MTMR14: variants seen among roughly 807,000 people sequenced by gnomAD.
MTMR14 encodes the protein phosphatidylinositol-3,5-bisphosphate 3-phosphatase MTMR14.
In MTMR14, 48 loss-of-function variants were observed where a neutral mutation model predicts 86.3. That is an observed-to-expected ratio of 0.56 (90% CI 0.44 to 0.71). The LOEUF (loss-of-function observed/expected upper bound fraction) is 0.71. Among genes scored for constraint, MTMR14 ranks in the 30% least tolerant of loss-of-function variants. The pLI, the probability that MTMR14 is intolerant of heterozygous loss-of-function variation, is 0.00. For missense variants in MTMR14, 780 were observed against 834.6 expected, an observed-to-expected ratio of 0.93 and a Z score of 0.81; for synonymous variants, 366 against 326.1, an observed-to-expected ratio of 1.12 and a Z score of -1.32.
chr3:9,683,267 C>A (rs2075829295), intron 10 of MTMR14, 23 bp downstream of exon 10: 3 of 1,609,744 alleles, frequency 1.9e-6, no homozygotes, highest in Non-Finnish European at 1.7e-6. Flanking sequence ...CCTCCAGAGC[C>A]CTCGAGCCAC....
intron 17 of MTMR14, 88 bp downstream of exon 17, chr3:9,690,231 G>C (rs2076097120): frequency 1.4e-6 from 2 of 1,451,050 alleles, no homozygotes; most frequent in East Asian, 4.6e-5. Flanking sequence ...ACCTGAGCTA[G>C]GGTCTCAAGA....
At chr3:9,658,390 C>G (rs1250347734) in intron 2 of MTMR14, among the ~76,000 whole-genome samples, 1 of 152,212 alleles carries the variant, frequency 6.6e-6, no homozygotes, top group Non-Finnish European at 1.5e-5. Flanking sequence ...ATAGCTAAGA[C>G]ATGTTTGTCA....
Position 9,685,215 on chromosome 3 carries a change from A to G in MTMR14, c.1132A>G (p.Met378Val), listed in dbSNP as rs763943891. 25 of 1,613,876 alleles carry G rather than the reference A, an allele frequency of 1.5e-5. No individual in the cohort carries two copies. Among genetic ancestry groups the G allele is most frequent in the South Asian group, 5.5e-5 (5 of 91,080 alleles). ...VAYDWFLFGH[M>V]LVDRLSKGEE... Reference sequence around the variant, plus strand: ...TCTCTACCCTCCTTTTTTCAGGCACATGTTGGTAGATCGGCTCAGCAAAGG... The same window carrying G: ...TCTCTACCCTCCTTTTTTCAGGCACGTGTTGGTAGATCGGCTCAGCAAAGG... The change falls in exon 13 of 19, where the codon ATG (methionine) becomes GTG (valine). Residue 378 changes from methionine to valine, a missense_variant. Physicochemically the swap from Met to Val is conservative, Grantham distance 21. Coordinates refer to ENST00000296003, the MANE Select transcript of MTMR14 (RefSeq NM_001077525.3).
chr3:9,654,082 T>C (rs1178239692), intron 2 of MTMR14, among the ~76,000 whole-genome samples: 1 of 152,040 alleles, frequency 6.6e-6, no homozygotes, highest in African/African-American at 2.4e-5. Context: ...GAGTGGGAGG[T>C]ACACTGTGTA....
chr3:9,673,698 G>A (rs546413642), intron 7 of MTMR14, among the ~76,000 whole-genome samples: 56 of 152,214 alleles, frequency 3.7e-4, no homozygotes, highest in African/African-American at 1.1e-3. Context: ...GCTGGGGGCA[G>A]GAATCCCAGC....
rs1311979037 is a variant in MTMR14, at chr3:9,649,590, G to A, written c.7G>A (p.Gly3Ser). 3 of 1,545,094 alleles carry A rather than the reference G, an allele frequency of 1.9e-6. No homozygotes were observed. The highest frequency in any genetic ancestry group is 1.2e-5 in the South Asian group (1 of 83,846). ...GGGGACGCGGGGCTGGGCCATGGCC[G>A]GCGCTCGGGCCGCCGCCGCCGCTGC... MAGARAAAAAASA... is the reference protein window; with the variant it reads MASARAAAAAASA... The change falls in exon 1 of 19, where the codon GGC becomes AGC. Residue 3 changes from glycine to serine, a missense_variant. By Grantham distance (56) the Gly-to-Ser change is moderately conservative (BLOSUM62 0). Coordinates refer to ENST00000296003, the MANE Select transcript of MTMR14 (RefSeq NM_001077525.3).
intron 13 of MTMR14, 77 bp from the exon 14 acceptor site, chr3:9,687,744 A>G (rs1283192627): frequency 1.6e-6 from 2 of 1,240,680 alleles, no homozygotes; most frequent in African/African-American, 3.0e-5. Flanking sequence ...CCTTGACCTG[A>G]GTGGCTGGCC....
intron 9 of MTMR14, among the ~76,000 whole-genome samples, chr3:9,678,413 G>A (rs775397430): frequency 3.3e-5 from 5 of 152,170 alleles, no homozygotes; most frequent in African/African-American, 1.2e-4. Context: ...AGGAAGTACA[G>A]AGCTGCCTGA....
intron 3 of MTMR14, among the ~76,000 whole-genome samples, chr3:9,663,383 A>G (rs1411583501): frequency 6.6e-6 from 1 of 151,750 alleles, no homozygotes; most frequent in African/African-American, 2.4e-5. Context: ...TTTAGGGAAA[A>G]GTATGTATGG....
chr3:9,697,845 A>G lies in MTMR14; in HGVS notation c.1748A>G (p.Asp583Gly). The change falls in exon 18 of 19, where the codon GAT becomes GGT. Residue 583 changes from aspartate to glycine, a missense_variant. Coordinates refer to ENST00000296003, the MANE Select transcript of MTMR14 (RefSeq NM_001077525.3). ...TCCTCTCTCCCTTTCAGCTTCCCGG[A>G]TGAGCTCCCTAACAGTTGTCTGTAA... ...TDSSLPFSFP[D>G]ELPNSCLLAA... The G allele has an allele frequency of 6.2e-7, 1 of 1,614,124 alleles. No individual in the cohort carries two copies. The highest frequency in any genetic ancestry group is 2.2e-5 in the East Asian group (1 of 44,876).
At chr3:9,653,477 G>A in intron 1 of MTMR14, 144 bp from the exon 2 acceptor site, 1 of 983,478 alleles carries the variant, frequency 1.0e-6, no homozygotes, top group South Asian at 1.4e-5. Context: ...AGGACCTGTG[G>A]CCTAGCATCA....
chr3:9,651,593 T>TTCAGGCAGAACA, intron 1 of MTMR14, among the ~76,000 whole-genome samples: 1 of 152,338 alleles, frequency 6.6e-6, no homozygotes, highest in Admixed American at 6.5e-5. Context: ...TTTATAACAA[T>TTCAGGCAGAACA]TCAGGCAGAA....
chr3:9,653,166 C>T (rs1017835145), intron 1 of MTMR14, among the ~76,000 whole-genome samples: 3 of 152,214 alleles, frequency 2.0e-5, no homozygotes, highest in Non-Finnish European at 2.9e-5. Flanking sequence ...ACCCCGGACG[C>T]GGAGGCTGCA....
chr3:9,699,583 G>C (rs1397219735), intron 18 of MTMR14: 1 of 152,238 alleles, frequency 6.6e-6, no homozygotes, highest in Non-Finnish European at 1.5e-5. Context: ...TCAAGTGTCA[G>C]CCTTGCCTTT....
intron 10 of MTMR14, 22 bp from the exon 11 acceptor site, chr3:9,684,563 C>A (rs368327658): frequency 6.2e-7 from 1 of 1,613,166 alleles, no homozygotes; most frequent in Admixed American, 1.7e-5. Flanking sequence ...CCTGGGCATC[C>A]TCTCCTGCGG....
Position 9,649,679 on chromosome 3 carries a change from G to A in MTMR14, c.96G>A (p.Leu32=). The change falls in exon 1 of 19, where the codon CTG becomes CTA. Residue 32 remains leucine (L), a synonymous_variant. Coordinates refer to ENST00000296003, the MANE Select transcript of MTMR14 (RefSeq NM_001077525.3). The part of the protein sequence containing the change: ...QPPQELGLGE[L]LEEFSRTQYR... ...CTCAGGAGCTGGGGCTTGGGGAGCT[G>A]CTGGAGGAGTTCTCCCGGACTCAGT... is the stretch of plus-strand genomic sequence containing the variant. 1 of 1,608,646 alleles carries A rather than the reference G, an allele frequency of 6.2e-7. No individual in the cohort carries two copies. Among genetic ancestry groups the A allele is most frequent in the Non-Finnish European group, 8.5e-7 (1 of 1,177,808 alleles).
intron 1 of MTMR14, among the ~76,000 whole-genome samples, chr3:9,653,214 G>A (rs957928140): frequency 1.3e-5 from 2 of 152,242 alleles, no homozygotes; most frequent in South Asian, 2.1e-4. Context: ...CAGCCTGGGC[G>A]ACAGAGCGAG....
In MTMR14 at chr3:9,702,236, G is replaced by C. The variant is rs1304259768; in HGVS notation, c.*263G>C. On this transcript the variant is annotated 3_prime_UTR_variant, in exon 19 of 19. Coordinates refer to ENST00000296003, the MANE Select transcript of MTMR14 (RefSeq NM_001077525.3). The stretch of plus-strand genomic sequence containing the variant: ...TTGCTGGGATTCCCATCAACTCTCA[G>C]AACTGTGTGGGGTTTCCCTGGGGCC... 4 of 544,728 alleles carry C rather than the reference G, an allele frequency of 7.3e-6. No individual in the cohort carries two copies. The highest frequency in any genetic ancestry group is 1.9e-5 in the South Asian group (1 of 51,348). The allele number at this position is 544,728 out of a possible 1,614,324, so 33.7% of individuals were successfully genotyped here. A position where few individuals can be genotyped will look rare whatever the true frequency, so the allele number is the denominator to read the frequency against.
intron 3 of MTMR14, among the ~76,000 whole-genome samples, chr3:9,662,901 C>T (rs756909636): frequency 8.5e-5 from 13 of 152,072 alleles, no homozygotes; most frequent in Non-Finnish European, 1.8e-4. Flanking sequence ...ATTTGGCTCC[C>T]CAGTTTGGTT....
Sources: gnomAD v4.1 joint callset for allele counts (sites outside exome capture counted in the v4.1 genomes callset) on GRCh38, gnomAD v4.1.1 for gene constraint, MANE v1.5 for transcripts, NCBI Gene and HGNC (gene_info 2026-07-23, HGNC 2026-07-21) for gene names.